CASP6: variants seen among roughly 807,000 people sequenced by gnomAD.
CASP6 encodes caspase-6.
CASP6 carries 20 observed loss-of-function variants against 31.8 expected under a neutral mutation model. The observed-to-expected ratio is 0.63, with a 90% confidence interval of 0.44 to 0.91. The LOEUF (loss-of-function observed/expected upper bound fraction) is 0.91, where lower values mean the gene tolerates loss of function less well. Ranked by LOEUF, CASP6 falls within the 40% of genes least tolerant of loss-of-function variation. The pLI, the probability that CASP6 is intolerant of heterozygous loss-of-function variation, is 0.00. For missense variants in CASP6, 328 were observed against 361.1 expected, an observed-to-expected ratio of 0.91 and a Z score of 0.74; for synonymous variants, 130 against 127.8, an observed-to-expected ratio of 1.02 and a Z score of -0.12.
At chr4:109,674,668 A>G in the CASP6 span, among the ~76,000 whole-genome samples, 1 of 152,396 alleles carries the variant, frequency 6.6e-6, no homozygotes, top group South Asian at 2.1e-4. Flanking sequence ...ATAGAGCTGC[A>G]TAATATTAGT....
chr4:109,691,326 G>A (rs1312158430), intron 5 of CASP6, among the ~76,000 whole-genome samples: 1 of 152,144 alleles, frequency 6.6e-6, no homozygotes, highest in Non-Finnish European at 1.5e-5. Context: ...CCACACCCAG[G>A]GCACACGGTG....
the CASP6 span, chr4:109,683,298 A>G: frequency 1.3e-5 from 2 of 152,256 alleles, no homozygotes; most frequent in African/African-American, 2.4e-5. Flanking sequence ...TTTTTATTTA[A>G]ATGGGAAGGT....
chr4:109,707,615 A>G (rs11932526), upstream of CASP6, among the ~76,000 whole-genome samples: 96,429 of 151,854 alleles, frequency 0.64, 30,798 homozygotes, highest in South Asian at 0.74. Context: ...CAAACTCCCG[A>G]CCTGGTATCT....
chr4:109,670,754 C>A, the CASP6 span, among the ~76,000 whole-genome samples: 5 of 151,646 alleles, frequency 3.3e-5, no homozygotes, highest in Non-Finnish European at 5.9e-5. Context: ...GAACAGAATT[C>A]TCTGGCATAT....
upstream of CASP6, among the ~76,000 whole-genome samples, chr4:109,706,131 TTA>T (rs58847180): frequency 0.052 from 1,874 of 35,996 alleles, 31 homozygotes; most frequent in Middle Eastern, 0.11. Flanking sequence ...CCTATCCATT[TTA>T]TATATATATA....
chr4:109,666,442 C>T, the CASP6 span, among the ~76,000 whole-genome samples: 2 of 152,302 alleles, frequency 1.3e-5, no homozygotes, highest in Admixed American at 1.3e-4. Context: ...CCTGTTGCCC[C>T]ATATCCTTGC....
downstream of CASP6, among the ~76,000 whole-genome samples, chr4:109,686,703 ATC>A (rs1163385560): frequency 6.6e-6 from 1 of 152,104 alleles, no homozygotes; most frequent in Non-Finnish European, 1.5e-5. Context: ...GTGAGACCTC[ATC>A]TCTACAAAAT....
chr4:109,691,191 T>G (rs5030592), intron 5 of CASP6, among the ~76,000 whole-genome samples, 182 bp from the exon 6 acceptor site: 35 of 152,334 alleles, frequency 2.3e-4, no homozygotes, highest in African/African-American at 8.4e-4. Context: ...TTTCCTTACT[T>G]AGGCTTTCTT....
At chr4:109,678,782 G>A in the CASP6 span, among the ~76,000 whole-genome samples, 14 of 146,284 alleles carry the variant, frequency 9.6e-5, no homozygotes, top group Admixed American at 8.8e-4. Context: ...CTTCCCAGAC[G>A]ATGGGTGGCC....
the CASP6 span, among the ~76,000 whole-genome samples, chr4:109,667,739 T>C: frequency 6.6e-6 from 1 of 151,396 alleles, no homozygotes; most frequent in Non-Finnish European, 1.5e-5. Context: ...TCTTAAAGTA[T>C]AAGTTCAGAT....
At chr4:109,676,454 G>C in the CASP6 span, among the ~76,000 whole-genome samples, 1 of 152,118 alleles carries the variant, frequency 6.6e-6, no homozygotes, top group African/African-American at 2.4e-5. Context: ...CTGGAAGCTG[G>C]AATAAACACC....
At chr4:109,688,232 A>AGGC (rs1412700655), downstream of CASP6, 6 of 152,256 alleles carry the variant, frequency 3.9e-5, no homozygotes, top group African/African-American at 1.2e-4. Context: ...CCTCTGGCAG[A>AGGC]TTATTAACAA....
rs1730494113 is a variant in CASP6 at position 109,703,407 on chromosome 4, G to A, written c.-12C>T. ...GAGGCCGAGCTCATTGCAGCCAAAC[G>A]CGCAGCCAGACACCTTGCCCTCCTC... On this transcript the variant is annotated 5_prime_UTR_variant, in exon 1 of 7. Coordinates refer to ENST00000265164, the MANE Select transcript of CASP6 (RefSeq NM_001226.4). The A allele has an allele frequency of 6.2e-7, 1 of 1,611,474 alleles. No homozygotes were observed. Among genetic ancestry groups the A allele is most frequent in the African/African-American group, 1.3e-5 (1 of 75,000 alleles).
At chr4:109,707,183 A>G (rs1214691449), upstream of CASP6, among the ~76,000 whole-genome samples, 2 of 152,324 alleles carry the variant, frequency 1.3e-5, no homozygotes, top group East Asian at 3.9e-4. Flanking sequence ...GGGAAACCAG[A>G]AAATTTGTGT....
downstream of CASP6, chr4:109,685,243 T>TC (rs1345223951): frequency 8.6e-7 from 1 of 1,156,074 alleles, no homozygotes; most frequent in Non-Finnish European, 1.3e-6. Context: ...TCTCTCTTTT[T>TC]TTTTAAGGAT....
At chr4:109,708,552 C>T (rs534814800), upstream of CASP6, among the ~76,000 whole-genome samples, 26 of 152,340 alleles carry the variant, frequency 1.7e-4, no homozygotes, top group Admixed American at 1.5e-3. Context: ...AATGAGTTAT[C>T]TGACCACCAG....
intron 5 of CASP6, 86 bp from the exon 6 acceptor site, chr4:109,691,095 A>ACC (rs1730042395): frequency 1.5e-6 from 2 of 1,376,484 alleles, no homozygotes; most frequent in South Asian, 3.0e-5. Context: ...GTAAGCCAGT[A>ACC]CCCCTTCATT....
chr4:109,697,115 A>G (rs543846007), intron 3 of CASP6, among the ~76,000 whole-genome samples: 3 of 152,114 alleles, frequency 2.0e-5, no homozygotes, highest in East Asian at 1.9e-4. Context: ...GGGAGGCTGC[A>G]TCAAAGCAAG....
At chr4:109,691,399 T>C (rs1730051668) in intron 5 of CASP6, among the ~76,000 whole-genome samples, 1 of 152,186 alleles carries the variant, frequency 6.6e-6, no homozygotes. Flanking sequence ...AGGCAGTGTA[T>C]TTCCAGATTG....
Sources: allele counts gnomAD v4.1 joint callset (sites outside exome capture counted in the v4.1 genomes callset), GRCh38; gene constraint gnomAD v4.1.1; transcripts MANE v1.5; gene names NCBI Gene and HGNC (gene_info 2026-07-23, HGNC 2026-07-21).